The following LAP3 variants were observed in gnomAD, a reference collection of about 807,000 sequenced individuals.
LAP3 encodes the protein leucine aminopeptidase 3, also known as cytosol aminopeptidase.
LAP3 carries 46 observed loss-of-function variants against 58.8 expected under a neutral mutation model. That is an observed-to-expected ratio of 0.78 (90% CI 0.62 to 1.00). The LOEUF is 1.00. Among genes scored for constraint, LAP3 ranks in the 50% least tolerant of loss-of-function variants. The pLI is 0.00. For missense variants in LAP3, 615 were observed against 659.1 expected (o/e 0.93, Z 0.73); for synonymous variants, 257 against 237.7 (o/e 1.08, Z -0.75).
chr4:17,598,884 G>A (rs150720689), intron 10 of LAP3, among the ~76,000 whole-genome samples: 6 of 152,032 alleles, frequency 3.9e-5, no homozygotes, highest in East Asian at 1.9e-4. Flanking sequence ...TTACAGGTAC[G>A]CACCACCAGT....
intron 10 of LAP3, among the ~76,000 whole-genome samples, chr4:17,604,237 C>G (rs1381771220): frequency 2.1e-5 from 3 of 140,114 alleles, no homozygotes; most frequent in East Asian, 4.2e-4. Flanking sequence ...GATCATACCA[C>G]TACACTGCAG....
chr4:17,596,208 C>T (rs1230782366), intron 8 of LAP3, among the ~76,000 whole-genome samples: 4 of 152,060 alleles, frequency 2.6e-5, no homozygotes, highest in Non-Finnish European at 5.9e-5. Flanking sequence ...CACGACACGT[C>T]CTCTAAGAAA....
chr4:17,596,386 C>A (rs1204782381), intron 8 of LAP3, among the ~76,000 whole-genome samples: 1 of 152,066 alleles, frequency 6.6e-6, no homozygotes, highest in South Asian at 2.1e-4. Context: ...GTTGCCCAGG[C>A]TGGAGTGCAA....
At chr4:17,592,409 A>G (rs1051176553) in intron 7 of LAP3, among the ~76,000 whole-genome samples, 2 of 151,992 alleles carry the variant, frequency 1.3e-5, no homozygotes, top group African/African-American at 2.4e-5. Context: ...CTTCTTTTCT[A>G]TTGTTGAGTA....
chr4:17,604,069 G>A (rs1202193837), intron 10 of LAP3, among the ~76,000 whole-genome samples: 3 of 151,924 alleles, frequency 2.0e-5, no homozygotes, highest in South Asian at 4.1e-4. Flanking sequence ...GATCCCACCC[G>A]TGATGGGATT....
At chr4:17,580,733 CTG>C (rs1713342289) in intron 2 of LAP3, among the ~76,000 whole-genome samples, 1 of 152,120 alleles carries the variant, frequency 6.6e-6, no homozygotes, top group Non-Finnish European at 1.5e-5. Flanking sequence ...TTTAAAATAT[CTG>C]TGAATCACCT....
intron 6 of LAP3, among the ~76,000 whole-genome samples, chr4:17,587,085 G>A (rs575671375): frequency 1.3e-4 from 20 of 152,306 alleles, no homozygotes; most frequent in East Asian, 1.9e-4. Flanking sequence ...CAGCCTGGGC[G>A]ACAGAGAGAC....
rs1713221210 is a variant in LAP3, at chr4:17,577,320, C to T, written c.-146C>T. On this transcript the variant is annotated 5_prime_UTR_variant, in exon 1 of 13. Coordinates refer to ENST00000226299, the MANE Select transcript of LAP3 (RefSeq NM_015907.3). ...CGGCCGGTGCTGCCCATCCGTCCCGCCCCCTAGACGCACGTCCGCTCGCCC... is the reference window on the plus strand; with the variant it reads ...CGGCCGGTGCTGCCCATCCGTCCCGTCCCCTAGACGCACGTCCGCTCGCCC... 3.8e-6 allele frequency: 2 copies of T among 522,046 alleles called. No individual in the cohort carries two copies. The highest frequency in any genetic ancestry group is 2.2e-5 in the African/African-American group (1 of 46,510). 32.3% of individuals were successfully genotyped at this position (522,046 alleles called of 1,614,324 possible). A position where few individuals can be genotyped will look rare whatever the true frequency, so the allele number is the denominator to read the frequency against.
Position 17,581,810 on chromosome 4 carries a change from A to G in LAP3, c.269A>G (p.His90Arg). Residue 90 changes from histidine (H) to arginine (R), a missense_variant, in exon 3 of 13, where the codon CAT becomes CGT. His to Arg is a conservative substitution (Grantham distance 29, BLOSUM62 0). Coordinates refer to ENST00000226299, the MANE Select transcript of LAP3 (RefSeq NM_015907.3). ...AAGACTCGAACCTTTTATGGTCTGC[A>G]TCAGGTATGAGAAGAACGTGATCAT... ...AGKTRTFYGL[H>R]QDFPSVVLVG... 7 of 1,613,244 alleles carry G rather than the reference A, an allele frequency of 4.3e-6. No individual in the cohort carries two copies. Among genetic ancestry groups the G allele is most frequent in the Non-Finnish European group, 5.9e-6 (7 of 1,179,194 alleles).
At chr4:17,602,270 A>G (rs2109023890) in intron 10 of LAP3, among the ~76,000 whole-genome samples, 1 of 152,274 alleles carries the variant, frequency 6.6e-6, no homozygotes. Flanking sequence ...CCCTAAGGAT[A>G]TGCCTAGGAA....
At chr4:17,606,427 G>T (rs887348826) in intron 11 of LAP3, among the ~76,000 whole-genome samples, 3 of 151,874 alleles carry the variant, frequency 2.0e-5, no homozygotes, top group Non-Finnish European at 4.4e-5. Flanking sequence ...CAACCTCCCC[G>T]TCCTGGGTTC....
chr4:17,598,350 C>T (rs1243705498), intron 9 of LAP3, 106 bp from the exon 10 acceptor site: 5 of 774,722 alleles, frequency 6.5e-6, no homozygotes, highest in South Asian at 2.8e-5. Flanking sequence ...TAATGACACA[C>T]GTCACAGTAG....
In LAP3 at chr4:17,598,436, C is replaced by G; in HGVS notation, c.1078-20C>G. The G allele has an allele frequency of 6.4e-7, 1 of 1,562,700 alleles. No homozygotes were observed. The highest frequency in any genetic ancestry group is 8.8e-7 in the Non-Finnish European group (1 of 1,133,270). ...TTCTTTACTTGCGCTGTCACCCTTT[C>G]TGTTTTTGACCCTCTGCAGGTTGAT... On this transcript the variant is annotated intron_variant, in intron 9 of 12. Transcript: ENST00000226299.
intron 10 of LAP3, among the ~76,000 whole-genome samples, chr4:17,601,483 TA>T (rs1713980734): frequency 6.6e-6 from 1 of 152,166 alleles, no homozygotes; most frequent in African/African-American, 2.4e-5. Flanking sequence ...AGATGACTCT[TA>T]GGGGGTTGAC....
At chr4:17,586,542 A>G (rs1344215093) in intron 6 of LAP3, among the ~76,000 whole-genome samples, 1 of 152,216 alleles carries the variant, frequency 6.6e-6, no homozygotes, top group Non-Finnish European at 1.5e-5. Context: ...GGAATTTATC[A>G]TACAAAGATG....
intron 6 of LAP3, among the ~76,000 whole-genome samples, chr4:17,587,096 A>G (rs567012109): frequency 6.6e-6 from 1 of 152,314 alleles, no homozygotes; most frequent in South Asian, 2.1e-4. Flanking sequence ...ACAGAGAGAC[A>G]CTGTGTCTCA....
chr4:17,607,656 T>A lies in LAP3; in HGVS notation c.*67T>A. 1 of 1,203,984 alleles carries A rather than the reference T, an allele frequency of 8.3e-7. No homozygotes were observed. The highest frequency in any genetic ancestry group is 1.1e-6 in the Non-Finnish European group (1 of 877,246). The allele number at this position is 1,203,984 out of a possible 1,614,324, so 74.6% of individuals were successfully genotyped here. On this transcript the variant is annotated 3_prime_UTR_variant, in exon 13 of 13. Transcript: ENST00000226299. Reference sequence around the variant, plus strand: ...CAGTTGAACTTAAAAGGTTTTTGAATAAATGGATGAAAATCTTTTAACGGA... The same window carrying A: ...CAGTTGAACTTAAAAGGTTTTTGAAAAAATGGATGAAAATCTTTTAACGGA...
At chr4:17,593,934 A>G (rs748781505) in intron 7 of LAP3, among the ~76,000 whole-genome samples, 1 of 151,982 alleles carries the variant, frequency 6.6e-6, no homozygotes, top group Non-Finnish European at 1.5e-5. Flanking sequence ...TTTTTCACAC[A>G]ACAAAACCTA....
At chr4:17,590,923 C>CTTTTT (rs533480552) in intron 7 of LAP3, among the ~76,000 whole-genome samples, 6 of 81,206 alleles carry the variant, frequency 7.4e-5, no homozygotes, top group African/African-American at 9.9e-5. Flanking sequence ...GAAAGTTAAA[C>CTTTTT]TTTTTTTTTT....
Sources: allele counts gnomAD v4.1 joint callset (sites outside exome capture counted in the v4.1 genomes callset), GRCh38; gene constraint gnomAD v4.1.1; transcripts MANE v1.5; gene names NCBI Gene and HGNC (gene_info 2026-07-23, HGNC 2026-07-21).